Variants in KIAA1217 observed in about 807,000 individuals in gnomAD.
KIAA1217 encodes sickle tail protein homolog.
A neutral mutation model predicts 163.9 loss-of-function variants in KIAA1217; 88 were observed. The ratio of observed to expected loss-of-function variants is 0.54; its 90% CI spans 0.45 to 0.64. KIAA1217 has a LOEUF of 0.64. KIAA1217 is among the 30% of genes least tolerant of loss of function. The pLI, the probability that KIAA1217 is intolerant of heterozygous loss-of-function variation, is 0.00. For missense variants in KIAA1217, 2,372 were observed against 2,475.0 expected, an observed-to-expected ratio of 0.96 and a Z score of 0.88; for synonymous variants, 903 against 923.1, an observed-to-expected ratio of 0.98 and a Z score of 0.39.
intron 1 of KIAA1217, among the ~76,000 whole-genome samples, chr10:23,755,059 G>A (rs934070671): frequency 3.9e-5 from 6 of 151,920 alleles, no homozygotes; most frequent in Non-Finnish European, 8.8e-5. Flanking sequence ...ACAAATCACA[G>A]ACTGTGTAAT....
chr10:24,079,277 T>C (rs2061466167), intron 2 of KIAA1217, among the ~76,000 whole-genome samples: 1 of 152,188 alleles, frequency 6.6e-6, no homozygotes, highest in Non-Finnish European at 1.5e-5. Context: ...AACTGAGGTT[T>C]ACAGTAGAGG....
In KIAA1217 at chr10:24,546,037, C is replaced by T. The variant is rs371424454; in HGVS notation, c.5545C>T (p.His1849Tyr). 2.5e-6 allele frequency: 4 copies of T among 1,614,092 alleles called. No homozygotes were observed. In the African/African-American group the frequency reaches 4.0e-5, roughly 16 times the overall value. Reference protein sequence around the residue: ...PLSPQTGPPAHSASLIPSVSN... With the variant: ...PLSPQTGPPAYSASLIPSVSN... Reference sequence around the variant, plus strand: ...CAGCCCCCAAACAGGACCACCTGCTCACTCTGCCTCCCTCATCCCTTCTGT... The same window carrying T: ...CAGCCCCCAAACAGGACCACCTGCTTACTCTGCCTCCCTCATCCCTTCTGT... The change falls in exon 21 of 21, where the codon CAC becomes TAC. Residue 1849 changes from histidine to tyrosine, a missense_variant. His to Tyr is a moderately conservative substitution (Grantham distance 83). Around this residue, in one of 3 missense-constraint regions of KIAA1217, gnomAD observed 690 missense variants for 677.5 expected, o/e 1.02. Coordinates refer to ENST00000376454, the MANE Select transcript of KIAA1217 (RefSeq NM_019590.5).
At position 24,473,960 on chromosome 10, in the gene KIAA1217, G is replaced by A. The variant is rs368075111; in HGVS notation, c.1579G>A (p.Ala527Thr). 93 of 1,614,024 alleles carry A rather than the reference G, an allele frequency of 5.8e-5. No homozygotes were observed. The highest frequency in any genetic ancestry group is 4.9e-4 in the Middle Eastern group (3 of 6,076). Residue 527 changes from alanine (A) to threonine (T), a missense_variant, in exon 6 of 21, where the codon GCT becomes ACT. Coordinates refer to ENST00000376454, the MANE Select transcript of KIAA1217 (RefSeq NM_019590.5). ...TLVYIEKPRS[A>T]AGLSSLVDLG... ...GGTGTATATAGAAAAGCCACGGAGC[G>A]CTGCAGGATTATCCAGCCTTGTAGA...
At chr10:24,106,218 G>A (rs1326644) in intron 2 of KIAA1217, among the ~76,000 whole-genome samples, 35,170 of 152,024 alleles carry the variant, frequency 0.23, 6,893 homozygotes, top group African/African-American at 0.54. Context: ...TGGCTGGGAC[G>A]ATGGCACCTA....
chr10:24,387,875 C>T (rs2054237699), intron 3 of KIAA1217, among the ~76,000 whole-genome samples: 1 of 151,574 alleles, frequency 6.6e-6, no homozygotes, highest in Non-Finnish European at 1.5e-5. Flanking sequence ...TCAAGGAGAA[C>T]TACAAACCAC....
intron 2 of KIAA1217, among the ~76,000 whole-genome samples, chr10:24,112,577 T>TA: frequency 6.6e-6 from 1 of 152,098 alleles, no homozygotes; most frequent in African/African-American, 2.4e-5. Flanking sequence ...TAGTGCTCTT[T>TA]TTTTTATTTT....
At chr10:24,312,138 C>G (rs80105745) in intron 2 of KIAA1217, among the ~76,000 whole-genome samples, 1 of 152,142 alleles carries the variant, frequency 6.6e-6, no homozygotes, top group East Asian at 1.9e-4. Flanking sequence ...ACCCGAGATG[C>G]CTGCTCTCTC....
intron 14 of KIAA1217, among the ~76,000 whole-genome samples, chr10:24,529,868 G>A (rs1433952388): frequency 6.7e-6 from 1 of 148,852 alleles, no homozygotes; most frequent in Non-Finnish European, 1.5e-5. Context: ...CATGATCTTG[G>A]CTCCCTGCAA....
chr10:23,844,866 T>A lies in KIAA1217; in HGVS notation c.-321+149632T>A, dbSNP rs145768712. The stretch of plus-strand genomic sequence containing the variant: ...CAACCCATCATTTACATTAGGTATT[T>A]CTCCTCATGCTATCCTCCCCTAGCC... On this transcript the variant is annotated intron_variant, in intron 1 of 18. Coordinates refer to the KIAA1217 transcript ENST00000376462. Among the ~76,000 whole-genome samples the A allele has an allele frequency of 4.6e-3, 701 of 152,194 alleles. 3 individuals are homozygous for A. Among genetic ancestry groups the A allele is most frequent in the African/African-American group, 0.016 (673 of 41,526 alleles).
At chr10:24,332,438 T>C (rs1018133871) in intron 2 of KIAA1217, among the ~76,000 whole-genome samples, 8 of 152,096 alleles carry the variant, frequency 5.3e-5, no homozygotes, top group African/African-American at 1.7e-4. Flanking sequence ...GGAAGAAAAT[T>C]TGGGATGGGT....
At chr10:24,067,571 G>T (rs979135417) in intron 2 of KIAA1217, among the ~76,000 whole-genome samples, 1 of 152,244 alleles carries the variant, frequency 6.6e-6, no homozygotes, top group Non-Finnish European at 1.5e-5. Flanking sequence ...ATGCCTCCCA[G>T]TTAGGCTACT....
chr10:24,262,947 C>CAA (rs1170873868), intron 2 of KIAA1217, among the ~76,000 whole-genome samples: 3 of 98,002 alleles, frequency 3.1e-5, no homozygotes, highest in African/African-American at 3.9e-5. Flanking sequence ...GACCCTGTCT[C>CAA]AAAAAAAAAA....
intron 17 of KIAA1217, among the ~76,000 whole-genome samples, chr10:24,538,661 A>C (rs2074473209): frequency 6.6e-6 from 1 of 150,534 alleles, no homozygotes. Flanking sequence ...GAGGGAAAAG[A>C]AAGAAAACCT....
chr10:24,166,728 T>C (rs1389924065), intron 2 of KIAA1217, among the ~76,000 whole-genome samples: 3 of 152,090 alleles, frequency 2.0e-5, no homozygotes, highest in African/African-American at 7.2e-5. Context: ...CAGTCTCAAA[T>C]TAAAAAATTA....
chr10:24,359,053 C>CT (rs60810967), intron 2 of KIAA1217, among the ~76,000 whole-genome samples: 44,559 of 129,662 alleles, frequency 0.34, 8,677 homozygotes, highest in Non-Finnish European at 0.44. Context: ...TTCTTTCTTT[C>CT]TTTTTTCTTT....
intron 3 of KIAA1217, among the ~76,000 whole-genome samples, chr10:24,382,108 G>A (rs527379664): frequency 2.3e-4 from 34 of 150,346 alleles, no homozygotes; most frequent in African/African-American, 7.8e-4. Flanking sequence ...TGGACAAGTC[G>A]TGAGGATTTA....
chr10:24,017,092 C>T (rs1293755016), intron 2 of KIAA1217, among the ~76,000 whole-genome samples: 2 of 138,306 alleles, frequency 1.4e-5, no homozygotes, highest in Admixed American at 7.6e-5. Context: ...CTCACTCTAT[C>T]ACCCAGGCTG....
In KIAA1217 at chr10:23,740,554, C is replaced by T. The variant is rs1362455959; in HGVS notation, c.-321+45320C>T. 2.0e-5 allele frequency among the ~76,000 whole-genome samples: 3 copies of T among 152,094 alleles called. No homozygotes were observed. The East Asian group carries it at 5.8e-4, about 29-fold the overall frequency. On this transcript the variant is annotated intron_variant, in intron 1 of 18. Transcript: ENST00000376462. ...TTTAAAATTTTTGTAAAGATGGGGTCCTGCTATATTGCCCAGGGCGGTCTT... is the reference window on the plus strand; with the variant it reads ...TTTAAAATTTTTGTAAAGATGGGGTTCTGCTATATTGCCCAGGGCGGTCTT...
Position 24,133,332 on chromosome 10 carries a change from G to A in KIAA1217, c.-170-86294G>A, listed in dbSNP as rs151067748. 9.0e-4 allele frequency among the ~76,000 whole-genome samples: 137 copies of A among 152,224 alleles called. 2 individuals are homozygous for A. Among genetic ancestry groups the A allele is most frequent in the African/African-American group, 3.2e-3 (132 of 41,546 alleles). On this transcript the variant is annotated intron_variant, in intron 2 of 18. Coordinates refer to the KIAA1217 transcript ENST00000376462. ...TCATGCTATAATCTCAGCATTTTGG[G>A]AGGCTGAGACGGGTGGATCATTTGA...
Sources: gnomAD v4.1 joint callset for allele counts (sites outside exome capture counted in the v4.1 genomes callset) on GRCh38, gnomAD v4.1.1 for gene constraint, gnomAD v4.1.1 regional missense constraint, MANE v1.5 for transcripts, NCBI Gene and HGNC (gene_info 2026-07-23, HGNC 2026-07-21) for gene names.